TLK1: variants seen among roughly 807,000 people sequenced by gnomAD.
TLK1 encodes the protein serine/threonine-protein kinase tousled-like 1.
Under a neutral mutation model 105.3 loss-of-function variants are expected in TLK1, and 24 were observed. That is an observed-to-expected ratio of 0.23 (90% CI 0.17 to 0.32). The LOEUF is 0.32. Ranked by LOEUF, TLK1 falls within the 10% of genes least tolerant of loss-of-function variation. The pLI is 1.00. For missense variants in TLK1, 558 were observed against 910.5 expected (o/e 0.61, Z 4.98); for synonymous variants, 321 against 310.4 (o/e 1.03, Z -0.36).
Position 171,160,217 on chromosome 2 carries a change from C to CGG in TLK1, c.139+71_139+72dup, listed in dbSNP as rs377552379. On this transcript the variant is annotated intron_variant, in intron 1 of 20. Transcript: ENST00000431350. This position sits in a 1 kb window ranked among gnomAD's most constrained non-coding sequence, Gnocchi z 4.4. ...CGGAGAAGCCCCGGGGCGGGGGGGG[C>CGG]GGGGGGGGGGCGCGGGGGTCCGCGG... 1,067 of 957,588 alleles carry CGG rather than the reference C, an allele frequency of 1.1e-3. 1 individual carries two copies. Among genetic ancestry groups the CGG allele is most frequent in the African/African-American group, 4.2e-3 (188 of 45,178 alleles). 59.3% of individuals were successfully genotyped at this position (957,588 alleles called of 1,614,324 possible).
intron 2 of TLK1, among the ~76,000 whole-genome samples, chr2:171,088,344 A>C (rs114356368): frequency 0.013 from 1,966 of 152,106 alleles, 35 homozygotes; most frequent in African/African-American, 0.042. Context: ...ACCCCAAAAA[A>C]CAAAACCCAT....
chr2:171,078,324 G>A (rs1048928917), intron 3 of TLK1, among the ~76,000 whole-genome samples: 1 of 152,162 alleles, frequency 6.6e-6, no homozygotes, highest in Admixed American at 6.5e-5. Context: ...CAGATTATGA[G>A]GTCAGGAGTT....
At chr2:171,019,117 T>C (rs1007673448) in intron 12 of TLK1, among the ~76,000 whole-genome samples, 1 of 146,408 alleles carries the variant, frequency 6.8e-6, no homozygotes, top group African/African-American at 2.5e-5. Flanking sequence ...CAGTTAAAAT[T>C]AAAAAAAAAA....
chr2:171,114,276 A>T (rs574267552), intron 2 of TLK1, among the ~76,000 whole-genome samples: 1 of 152,292 alleles, frequency 6.6e-6, no homozygotes, highest in East Asian at 1.9e-4. Flanking sequence ...CCTAAACTCC[A>T]GAGCCTGTGA....
intron 1 of TLK1, among the ~76,000 whole-genome samples, chr2:171,222,648 CAT>C (rs1340172550): frequency 1.3e-5 from 2 of 151,816 alleles, no homozygotes; most frequent in East Asian, 1.9e-4. Context: ...TTATGGGGGA[CAT>C]GTGAAATTTT....
At chr2:171,196,215 C>G (rs1247495601) in intron 1 of TLK1, among the ~76,000 whole-genome samples, 1 of 151,268 alleles carries the variant, frequency 6.6e-6, no homozygotes, top group Non-Finnish European at 1.5e-5. Flanking sequence ...CTCCCGGGTT[C>G]AAGTGATTCT....
chr2:171,085,082 CTG>C (rs775985323), intron 2 of TLK1, among the ~76,000 whole-genome samples: 42 of 152,128 alleles, frequency 2.8e-4, no homozygotes, highest in Non-Finnish European at 5.6e-4. Context: ...ATAGTAAAAA[CTG>C]TAATTCAAGA....
chr2:171,204,719 G>T (rs1693469676), intron 1 of TLK1, among the ~76,000 whole-genome samples: 1 of 152,194 alleles, frequency 6.6e-6, no homozygotes, highest in African/African-American at 2.4e-5. Context: ...AACACTTTGG[G>T]AGGCTGAAGT....
intron 1 of TLK1, among the ~76,000 whole-genome samples, chr2:171,135,976 A>G (rs899030856): frequency 6.6e-6 from 1 of 152,226 alleles, no homozygotes; most frequent in Non-Finnish European, 1.5e-5. Flanking sequence ...GTACAGCTAG[A>G]TAGAAAATAG....
intron 18 of TLK1, among the ~76,000 whole-genome samples, chr2:171,005,109 T>C (rs1455419718): frequency 6.6e-6 from 1 of 152,254 alleles, no homozygotes; most frequent in Admixed American, 6.5e-5. Context: ...GTCACAATCC[T>C]GTTTCAATGA....
In TLK1 at chr2:171,031,417, C is replaced by CT. The variant is rs1180848672; in HGVS notation, c.1170-3013dup. 1.3e-5 allele frequency among the ~76,000 whole-genome samples: 2 copies of CT among 152,264 alleles called. 1 individual carries two copies. The highest frequency in any genetic ancestry group is 3.9e-4 in the East Asian group (2 of 5,192). On this transcript the variant is annotated intron_variant, in intron 11 of 20. Coordinates refer to ENST00000431350, the MANE Select transcript of TLK1 (RefSeq NM_012290.5). Reference sequence around the variant, plus strand: ...CATCAGTGGCTTTTAATTATCAATACTTTTATGTGTGTAAGATGCTTTTAA... The same window carrying CT: ...CATCAGTGGCTTTTAATTATCAATACTTTTTATGTGTGTAAGATGCTTTTAA...
At position 171,028,220 on chromosome 2, in the gene TLK1, T is replaced by A. The variant is rs1171657377; in HGVS notation, c.1236+119A>T. On this transcript the variant is annotated intron_variant, in intron 12 of 20. Transcript: ENST00000431350. The stretch of plus-strand genomic sequence containing the variant: ...AATGCATCTCTTTTTAATCTGAAAT[T>A]TTTAATTTGAAATCTTACTCTCTTA... 7.0e-6 allele frequency: 5 copies of A among 710,848 alleles called. No homozygotes were observed. In the African/African-American group the frequency reaches 9.0e-5, roughly 13 times the overall value. 44.0% of individuals were successfully genotyped at this position (710,848 alleles called of 1,614,324 possible). A position where few individuals can be genotyped will look rare whatever the true frequency, so the allele number is the denominator to read the frequency against.
chr2:171,131,430 C>T (rs958244697), intron 1 of TLK1, among the ~76,000 whole-genome samples: 1 of 152,084 alleles, frequency 6.6e-6, no homozygotes, highest in Non-Finnish European at 1.5e-5. Context: ...TTTTGTATAA[C>T]TCTAAAAGCT....
chr2:171,114,480 G>A (rs993559646), intron 2 of TLK1, among the ~76,000 whole-genome samples: 3 of 152,152 alleles, frequency 2.0e-5, no homozygotes, highest in African/African-American at 2.4e-5. Flanking sequence ...CAAGGAGATG[G>A]GCTGTTGCTG....
chr2:171,068,200 G>A lies in TLK1; in HGVS notation c.331-7044C>T, dbSNP rs148538487. 3.4e-3 allele frequency among the ~76,000 whole-genome samples: 513 copies of A among 152,182 alleles called. 5 individuals carry two copies. The highest frequency in any genetic ancestry group is 0.011 in the African/African-American group (458 of 41,530). ...AAAAATTAGCCAGATCTGGTGGTGA[G>A]CACCTGTAGTCCCAACTACTCGGGA... On this transcript the variant is annotated intron_variant, in intron 3 of 20. Transcript: ENST00000431350.
At chr2:171,033,886 ATTT>A (rs147318622) in intron 11 of TLK1, among the ~76,000 whole-genome samples, 23 of 142,188 alleles carry the variant, frequency 1.6e-4, no homozygotes, top group Admixed American at 4.9e-4. Context: ...TAGTATCCAG[ATTT>A]TTTAAAAAAA....
chr2:171,020,902 A>C (rs1685467382), intron 12 of TLK1, among the ~76,000 whole-genome samples: 1 of 152,122 alleles, frequency 6.6e-6, no homozygotes, highest in Non-Finnish European at 1.5e-5. Flanking sequence ...TAATTATATA[A>C]ATGTTCCCTC....
chr2:171,159,629 G>A (rs1692372957), intron 1 of TLK1: 1 of 152,284 alleles, frequency 6.6e-6, no homozygotes, highest in African/African-American at 2.4e-5. Flanking sequence ...AGGAAGCAAC[G>A]GCGAAGGAGA....
At position 171,034,575 on chromosome 2, in the gene TLK1, G is replaced by T. The variant is rs1686226404; in HGVS notation, c.1170-6170C>A. ...GAAAACCGATTATTTGCTACTGGAGGTGAGAAGAGAAAGGGCTAGGGAGTG... is the reference window on the plus strand; with the variant it reads ...GAAAACCGATTATTTGCTACTGGAGTTGAGAAGAGAAAGGGCTAGGGAGTG... On this transcript the variant is annotated intron_variant, in intron 11 of 20. Transcript: ENST00000431350. Among the ~76,000 whole-genome samples, 3 of 152,172 alleles carry T rather than the reference G, an allele frequency of 2.0e-5. No homozygotes were observed. The South Asian group carries it at 6.2e-4, about 32-fold the overall frequency.
Sources: gnomAD v4.1 joint callset for allele counts (sites outside exome capture counted in the v4.1 genomes callset) on GRCh38, gnomAD v4.1.1 for gene constraint, Gnocchi (gnomAD v3.1) non-coding constraint, MANE v1.5 for transcripts, NCBI Gene and HGNC (gene_info 2026-07-23, HGNC 2026-07-21) for gene names.